Variants in VPS54 observed in about 807,000 individuals in gnomAD.
VPS54 encodes the protein VPS54 subunit of GARP complex, also known as vacuolar protein sorting-associated protein 54.
Under a neutral mutation model 121.5 loss-of-function variants are expected in VPS54, and 45 were observed. The ratio of observed to expected loss-of-function variants is 0.37; its 90% confidence interval spans 0.29 to 0.47. The LOEUF is 0.47. VPS54 is among the 20% of genes least tolerant of loss of function. The probability of loss-of-function intolerance (pLI) is 0.99; values close to 1 mark genes in which losing one functional copy is unlikely to be tolerated. For missense variants in VPS54, 1,090 were observed against 1,131.4 expected (o/e 0.96, Z 0.52); for synonymous variants, 371 against 385.8 (o/e 0.96, Z 0.45).
chr2:63,976,110 C>T (rs1354327766), intron 3 of VPS54, among the ~76,000 whole-genome samples: 9 of 151,980 alleles, frequency 5.9e-5, no homozygotes, highest in Non-Finnish European at 8.8e-5. Flanking sequence ...GAATAGCCAA[C>T]ACGGGCAGAC....
chr2:63,940,538 ATAACTT>A (rs1432223118), intron 11 of VPS54, among the ~76,000 whole-genome samples: 2 of 152,352 alleles, frequency 1.3e-5, no homozygotes, highest in African/African-American at 2.4e-5. Context: ...CTGGGAGACT[ATAACTT>A]TAAGTGAAAC....
At chr2:63,949,764 C>A (rs1425094822) in intron 7 of VPS54, among the ~76,000 whole-genome samples, 1 of 152,112 alleles carries the variant, frequency 6.6e-6, no homozygotes, top group Non-Finnish European at 1.5e-5. Context: ...TATAACTTTA[C>A]CGAAATGCAC....
chr2:64,016,194 T>C (rs1576029401), intron 1 of VPS54, among the ~76,000 whole-genome samples: 1 of 152,220 alleles, frequency 6.6e-6, no homozygotes, highest in Non-Finnish European at 1.5e-5. Context: ...CTTTTACTTA[T>C]TGATTCCGAG....
At chr2:63,932,825 C>T (rs536143994) in intron 12 of VPS54, among the ~76,000 whole-genome samples, 5 of 152,000 alleles carry the variant, frequency 3.3e-5, no homozygotes, top group Non-Finnish European at 5.9e-5. Flanking sequence ...AATTGGTAAA[C>T]TTTGTTTAAA....
intron 1 of VPS54, among the ~76,000 whole-genome samples, chr2:64,013,458 AG>A (rs1163631642): frequency 1.3e-5 from 2 of 151,726 alleles, no homozygotes; most frequent in Non-Finnish European, 2.9e-5. Flanking sequence ...CCTGCATTTG[AG>A]GGGGGAAAAA....
At chr2:64,005,089 CTTTTTTTTT>C (rs764515091) in intron 1 of VPS54, among the ~76,000 whole-genome samples, 28 of 44,126 alleles carry the variant, frequency 6.3e-4, no homozygotes, top group Admixed American at 4.4e-3. Flanking sequence ...ACTATTGCTT[CTTTTTTTTT>C]TTTTTTTTTT....
At chr2:63,947,328 A>G in intron 9 of VPS54, 55 bp downstream of exon 9, 1 of 1,413,328 alleles carries the variant, frequency 7.1e-7, no homozygotes, top group Non-Finnish European at 9.5e-7. Context: ...TAACATAAAA[A>G]TAAACTTCAC....
rs574931686 is a variant in VPS54, at chr2:63,969,544, C to A, written c.458-553G>T. Among the ~76,000 whole-genome samples, 251 of 152,228 alleles carry A rather than the reference C, an allele frequency of 1.6e-3. 2 individuals are homozygous for A. Among genetic ancestry groups the A allele is most frequent in the African/African-American group, 5.8e-3 (241 of 41,538 alleles). On this transcript the variant is annotated intron_variant, in intron 4 of 22. Transcript: ENST00000272322. Reference sequence around the variant, plus strand: ...GATGATCTGTCACTGTCTCCCATCTCCCCCAGATGGGACCATCTAGTTCCC... The same window carrying A: ...GATGATCTGTCACTGTCTCCCATCTACCCCAGATGGGACCATCTAGTTCCC...
intron 11 of VPS54, among the ~76,000 whole-genome samples, chr2:63,936,283 T>C (rs951112596): frequency 2.0e-5 from 3 of 152,176 alleles, no homozygotes; most frequent in African/African-American, 4.8e-5. Flanking sequence ...TTGCTGATTA[T>C]TTTTTCCAAA....
intron 4 of VPS54, among the ~76,000 whole-genome samples, chr2:63,969,882 A>G (rs2104580546): frequency 6.6e-6 from 1 of 152,008 alleles, no homozygotes; most frequent in South Asian, 2.1e-4. Context: ...TAAAAGATCT[A>G]TCATCCCATC....
At chr2:63,992,284 A>G (rs1346597633) in intron 1 of VPS54, among the ~76,000 whole-genome samples, 1 of 152,218 alleles carries the variant, frequency 6.6e-6, no homozygotes, top group Non-Finnish European at 1.5e-5. Context: ...ACCTCCATAC[A>G]CATTCAAGGA....
At chr2:63,963,598 C>T (rs12466966) in intron 6 of VPS54, among the ~76,000 whole-genome samples, 26,914 of 151,998 alleles carry the variant, frequency 0.18, 3,159 homozygotes, top group Non-Finnish European at 0.24. Flanking sequence ...CACAGAGTAT[C>T]ATTCATATCT....
chr2:64,009,522 C>A (rs1369212469), intron 1 of VPS54, among the ~76,000 whole-genome samples: 1 of 151,912 alleles, frequency 6.6e-6, no homozygotes, highest in Admixed American at 6.6e-5. Flanking sequence ...CACCATGTTG[C>A]CCAGGCTGGT....
intron 8 of VPS54, 34 bp from the exon 9 acceptor site, chr2:63,947,524 AAATATG>A (rs1675038900): frequency 7.1e-7 from 1 of 1,406,570 alleles, no homozygotes; most frequent in African/African-American, 1.4e-5. Context: ...TTGACATTTT[AAATATG>A]AAGTAATTTT....
chr2:63,902,386 A>T (rs992503965), intron 20 of VPS54, among the ~76,000 whole-genome samples: 2 of 152,178 alleles, frequency 1.3e-5, no homozygotes, highest in African/African-American at 2.4e-5. Flanking sequence ...TGGCATACTA[A>T]GGGTAACAGC....
At chr2:64,007,848 T>A (rs771470239) in intron 1 of VPS54, among the ~76,000 whole-genome samples, 20 of 152,048 alleles carry the variant, frequency 1.3e-4, no homozygotes, top group Non-Finnish European at 2.5e-4. Context: ...GTAAGTAGCA[T>A]CAACATGCTG....
At chr2:63,993,183 A>T (rs1447184936) in intron 1 of VPS54, among the ~76,000 whole-genome samples, 1 of 152,222 alleles carries the variant, frequency 6.6e-6, no homozygotes, top group Admixed American at 6.5e-5. Context: ...ATTCAACCTC[A>T]AAAAGTTCAA....
chr2:63,986,225 T>C (rs1040385736), intron 1 of VPS54, among the ~76,000 whole-genome samples: 3 of 152,218 alleles, frequency 2.0e-5, no homozygotes, highest in African/African-American at 7.2e-5. Context: ...ATTCATTCTT[T>C]CTATTTTTCT....
intron 12 of VPS54, among the ~76,000 whole-genome samples, chr2:63,922,844 A>C (rs1009470070): frequency 6.6e-6 from 1 of 152,132 alleles, no homozygotes; most frequent in Non-Finnish European, 1.5e-5. Context: ...ATGTAACAGA[A>C]TGATTAAGGA....
Sources: gnomAD v4.1 joint callset for allele counts (sites outside exome capture counted in the v4.1 genomes callset) on GRCh38, gnomAD v4.1.1 for gene constraint, MANE v1.5 for transcripts, NCBI Gene and HGNC (gene_info 2026-07-23, HGNC 2026-07-21) for gene names.